GLT1D1: variants seen among roughly 807,000 people sequenced by gnomAD.
The protein encoded by GLT1D1 is glycosyltransferase 1 domain containing 1.
In GLT1D1, 21 loss-of-function variants were observed where a neutral mutation model predicts 28.7. That is an observed-to-expected ratio of 0.73 (90% CI 0.52 to 1.05). The LOEUF is 1.05. Among genes scored for constraint, GLT1D1 ranks in the 50% least tolerant of loss-of-function variants. The pLI is 0.00. For synonymous variants in GLT1D1, 147 were observed against 124.8 expected, an observed-to-expected ratio of 1.18 and a Z score of -1.19; for missense variants, 343 against 330.6, an observed-to-expected ratio of 1.04 and a Z score of -0.29.
chr12:128,899,137 C>T (rs1869957354), intron 3 of GLT1D1, 99 bp from the exon 4 acceptor site: 2 of 832,842 alleles, frequency 2.4e-6, no homozygotes, highest in Non-Finnish European at 2.0e-6. Context: ...AATTTAGTGT[C>T]TCACGTTGTC....
rs144647363 is a variant in GLT1D1, at chr12:128,947,386, C to T, written c.468C>T (p.His156=). The T allele has an allele frequency of 1.9e-5, 31 of 1,613,860 alleles. No homozygotes were observed. Among genetic ancestry groups the T allele is most frequent in the African/African-American group, 9.3e-5 (7 of 74,872 alleles). The change falls in exon 6 of 8, where the codon CAC becomes CAT. Residue 156 remains histidine (H), a synonymous_variant. Coordinates refer to ENST00000281703, the MANE Select transcript of GLT1D1 (RefSeq NM_144669.3). ...GAGAGATGCCTCAAGAAGATCTGCA[C>T]GCGGTGGTGAAGAATTGCTTCGCGG...
chr12:128,935,544 A>G (rs1874463249), intron 4 of GLT1D1, among the ~76,000 whole-genome samples: 1 of 151,984 alleles, frequency 6.6e-6, no homozygotes, highest in South Asian at 2.1e-4. Context: ...GTCTCAAAAA[A>G]AAAAAAAAAA....
intron 1 of GLT1D1, among the ~76,000 whole-genome samples, chr12:128,862,620 G>C (rs1956409777): frequency 6.6e-6 from 1 of 152,140 alleles, no homozygotes; most frequent in Non-Finnish European, 1.5e-5. Flanking sequence ...CTCCAGCTTG[G>C]GCAGCAACAG....
intron 4 of GLT1D1, among the ~76,000 whole-genome samples, chr12:128,921,622 C>G (rs1227568068): frequency 2.6e-5 from 4 of 151,768 alleles, no homozygotes; most frequent in Non-Finnish European, 4.4e-5. Context: ...ATGGATTATT[C>G]TCTTCTCAGG....
intron 4 of GLT1D1, among the ~76,000 whole-genome samples, chr12:128,905,545 T>C (rs879298128): frequency 6.6e-6 from 1 of 152,268 alleles, no homozygotes; most frequent in Non-Finnish European, 1.5e-5. Flanking sequence ...TACCTATCTC[T>C]GGCTGACCTT....
chr12:128,926,125 G>A (rs1873177638), intron 4 of GLT1D1, among the ~76,000 whole-genome samples: 1 of 151,624 alleles, frequency 6.6e-6, no homozygotes, highest in South Asian at 2.1e-4. Context: ...AGGAGGAGGA[G>A]GTTGCAGTGA....
chr12:128,944,465 C>T (rs1875753557), intron 4 of GLT1D1: 1 of 1,331,722 alleles, frequency 7.5e-7, no homozygotes, highest in South Asian at 1.2e-5. Flanking sequence ...GGTTTATCAT[C>T]CTCACGCTGA....
At chr12:128,895,631 A>G (rs1474800175) in intron 3 of GLT1D1, among the ~76,000 whole-genome samples, 1 of 151,616 alleles carries the variant, frequency 6.6e-6, no homozygotes, top group Admixed American at 6.6e-5. Context: ...TAATTTTGTA[A>G]TTTTAGTAGA....
intron 7 of GLT1D1, among the ~76,000 whole-genome samples, chr12:128,974,014 G>T (rs959437310): frequency 2.0e-5 from 3 of 151,768 alleles, no homozygotes; most frequent in East Asian, 2.0e-4. Context: ...GAGGGGGACA[G>T]TCTGGGTCTA....
intron 2 of GLT1D1, among the ~76,000 whole-genome samples, chr12:128,885,959 G>A (rs543144752): frequency 2.1e-4 from 32 of 152,258 alleles, no homozygotes; most frequent in African/African-American, 7.2e-4. Flanking sequence ...CACAATTCCC[G>A]TGTGTTGTGG....
At chr12:128,955,396 A>C (rs1877170174) in intron 6 of GLT1D1, among the ~76,000 whole-genome samples, 2 of 152,186 alleles carry the variant, frequency 1.3e-5, no homozygotes, top group Non-Finnish European at 1.5e-5. Context: ...TTTCTCTCTG[A>C]AACTTTGCAG....
At chr12:128,905,714 C>T (rs1306307425) in intron 4 of GLT1D1, among the ~76,000 whole-genome samples, 1 of 152,152 alleles carries the variant, frequency 6.6e-6, no homozygotes. Context: ...TAGTGGGCTC[C>T]TCACCAGGTC....
At chr12:128,931,223 A>C (rs1284054951) in intron 4 of GLT1D1, among the ~76,000 whole-genome samples, 1 of 151,580 alleles carries the variant, frequency 6.6e-6, no homozygotes, top group Non-Finnish European at 1.5e-5. Context: ...GGATGGTCTC[A>C]ATCTCCTGAC....
At chr12:128,969,206 AGT>A (rs1878788744) in intron 7 of GLT1D1, among the ~76,000 whole-genome samples, 1 of 146,212 alleles carries the variant, frequency 6.8e-6, no homozygotes, top group African/African-American at 2.6e-5. Flanking sequence ...CCTTCCTCTC[AGT>A]CTCTGTTTCT....
At chr12:128,890,123 C>T (rs1301546877) in intron 3 of GLT1D1, among the ~76,000 whole-genome samples, 1 of 152,194 alleles carries the variant, frequency 6.6e-6, no homozygotes, top group Admixed American at 6.5e-5. Context: ...CAACTTCAGT[C>T]AGCAGAATAG....
intron 1 of GLT1D1, among the ~76,000 whole-genome samples, chr12:128,865,588 C>T (rs1044042626): frequency 2.6e-5 from 4 of 152,044 alleles, no homozygotes; most frequent in Non-Finnish European, 4.4e-5. Context: ...TTTGGGAGGC[C>T]GAATTGGGCA....
At chr12:128,854,272 G>C (rs508420) in intron 1 of GLT1D1, among the ~76,000 whole-genome samples, 12,800 of 152,266 alleles carry the variant, frequency 0.084, 622 homozygotes, top group African/African-American at 0.12. Flanking sequence ...AGGGGCCGCC[G>C]CGTTAATCCC....
intron 4 of GLT1D1, among the ~76,000 whole-genome samples, chr12:128,917,541 G>A (rs1221931173): frequency 1.3e-5 from 2 of 152,146 alleles, no homozygotes; most frequent in Non-Finnish European, 2.9e-5. Flanking sequence ...GCTTCCCAAA[G>A]TGCCGGGATT....
At chr12:128,924,474 TA>T (rs1329652579) in intron 4 of GLT1D1, among the ~76,000 whole-genome samples, 1 of 152,024 alleles carries the variant, frequency 6.6e-6, no homozygotes, top group African/African-American at 2.4e-5. Flanking sequence ...TTTATTTATT[TA>T]TTTTTTTGAG....
Sources: gnomAD v4.1 joint callset for allele counts (sites outside exome capture counted in the v4.1 genomes callset) on GRCh38, gnomAD v4.1.1 for gene constraint, MANE v1.5 for transcripts, NCBI Gene and HGNC (gene_info 2026-07-23, HGNC 2026-07-21) for gene names.